CALCRL: variants seen among roughly 807,000 people sequenced by gnomAD.
The protein encoded by CALCRL is calcitonin receptor like receptor, also known as calcitonin gene-related peptide type 1 receptor.
Under a neutral mutation model 60.4 loss-of-function variants are expected in CALCRL, and 27 were observed. The observed-to-expected ratio is 0.45, with a 90% confidence interval of 0.33 to 0.62. CALCRL has a LOEUF of 0.62. Ranked by LOEUF, CALCRL falls within the 20% of genes least tolerant of loss-of-function variation. The pLI, the probability that CALCRL is intolerant of heterozygous loss-of-function variation, is 0.03. For synonymous variants in CALCRL, 190 were observed against 182.6 expected (o/e 1.04, Z -0.33); for missense variants, 424 against 540.7 (o/e 0.78, Z 2.14).
intron 1 of CALCRL, among the ~76,000 whole-genome samples, chr2:187,443,008 A>G (rs1041388773): frequency 6.6e-6 from 1 of 151,926 alleles, no homozygotes; most frequent in Non-Finnish European, 1.5e-5. Flanking sequence ...TGAGTTTCAC[A>G]TGTAAAGAAA....
chr2:187,432,194 C>T (rs1574320663), intron 1 of CALCRL, among the ~76,000 whole-genome samples: 1 of 152,078 alleles, frequency 6.6e-6, no homozygotes. Context: ...AATTCATTCC[C>T]TGTCAAACAA....
chr2:187,428,560 A>G (rs886289791), intron 1 of CALCRL: 3 of 152,230 alleles, frequency 2.0e-5, no homozygotes, highest in Admixed American at 1.3e-4. Context: ...AGATGATAAG[A>G]TGATCATTCA....
At chr2:187,401,319 G>A (rs887029255) in intron 1 of CALCRL, among the ~76,000 whole-genome samples, 7 of 151,610 alleles carry the variant, frequency 4.6e-5, no homozygotes, top group Admixed American at 2.0e-4. Context: ...AAAACACATC[G>A]ACCAAAGAAC....
Position 187,344,183 on chromosome 2 carries a change from G to T in CALCRL, c.*2001C>A, listed in dbSNP as rs1022722634. The T allele has an allele frequency of 1.3e-5, 2 of 151,538 alleles. No homozygotes were observed. Among genetic ancestry groups the T allele is most frequent in the African/African-American group, 2.4e-5 (1 of 41,374 alleles). The allele number at this position is 151,538 out of a possible 1,614,324, so 9.4% of individuals were successfully genotyped here. A position where few individuals can be genotyped will look rare whatever the true frequency, so the allele number is the denominator to read the frequency against. ...TTTTGTATAATTTAGGCAGTTGAAG[G>T]TCTAGAACAGCCTGCGTTCCTTTCT... On this transcript the variant is annotated 3_prime_UTR_variant, in exon 15 of 15. Transcript: ENST00000392370.
At chr2:187,376,488 T>A (rs1270206767) in intron 8 of CALCRL, among the ~76,000 whole-genome samples, 1 of 152,154 alleles carries the variant, frequency 6.6e-6, no homozygotes, top group African/African-American at 2.4e-5. Flanking sequence ...ACTAGGAGAA[T>A]AAGTGGTCTG....
At chr2:187,422,891 T>A (rs1225601052) in intron 1 of CALCRL, among the ~76,000 whole-genome samples, 1 of 152,014 alleles carries the variant, frequency 6.6e-6, no homozygotes, top group Non-Finnish European at 1.5e-5. Context: ...GAGGGGGGTA[T>A]ATTAAAAAGA....
At chr2:187,424,360 A>G (rs76268060) in intron 1 of CALCRL, among the ~76,000 whole-genome samples, 3,608 of 152,144 alleles carry the variant, frequency 0.024, 149 homozygotes, top group African/African-American at 0.083. Flanking sequence ...ACATTTAGCC[A>G]CAGCAGGAAC....
At chr2:187,442,070 T>TTA (rs370387256) in intron 1 of CALCRL, 1,634 of 127,226 alleles carry the variant, frequency 0.013, 15 homozygotes, top group African/African-American at 0.021. Context: ...CTTAAAAACA[T>TTA]TATATATATA....
intron 1 of CALCRL, among the ~76,000 whole-genome samples, chr2:187,406,530 T>G (rs964299042): frequency 4.6e-5 from 7 of 151,902 alleles, no homozygotes; most frequent in Admixed American, 3.9e-4. Flanking sequence ...ATAAAGAAAA[T>G]AAAAGAAAAG....
At chr2:187,366,898 T>C (rs1687318006) in intron 8 of CALCRL, among the ~76,000 whole-genome samples, 1 of 143,820 alleles carries the variant, frequency 7.0e-6, no homozygotes, top group African/African-American at 2.6e-5. Flanking sequence ...CTTCCAAAAA[T>C]GTCATTATTG....
intron 1 of CALCRL, among the ~76,000 whole-genome samples, chr2:187,396,433 T>G (rs980042021): frequency 1.3e-4 from 20 of 151,790 alleles, no homozygotes; most frequent in Admixed American, 1.3e-4. Flanking sequence ...GGAACAGGCT[T>G]AATGCTTATA....
rs535622656 is a variant in CALCRL, at chr2:187,446,255, A to G, written c.-293+1784T>C. Among the ~76,000 whole-genome samples the G allele has an allele frequency of 2.7e-4, 41 of 151,816 alleles. No homozygotes were observed. The South Asian group carries it at 8.5e-3, about 31-fold the overall frequency. ...GCTAAAAGCATGCATTGATATTCTGATATTTTCTTATCATTAAAGAAAGCA... is the reference window on the plus strand; with the variant it reads ...GCTAAAAGCATGCATTGATATTCTGGTATTTTCTTATCATTAAAGAAAGCA... On this transcript the variant is annotated intron_variant, in intron 1 of 14. Coordinates refer to ENST00000392370, the MANE Select transcript of CALCRL (RefSeq NM_005795.6).
intron 8 of CALCRL, among the ~76,000 whole-genome samples, chr2:187,364,546 T>C (rs1178353441): frequency 6.6e-6 from 1 of 152,134 alleles, no homozygotes; most frequent in African/African-American, 2.4e-5. Context: ...AAGGCTTCTA[T>C]TTTGGAAACT....
chr2:187,410,018 C>T (rs1352597890), intron 1 of CALCRL, among the ~76,000 whole-genome samples: 1 of 152,152 alleles, frequency 6.6e-6, no homozygotes, highest in East Asian at 1.9e-4. Context: ...TGTCTTATTA[C>T]ACTGGCAAAC....
intron 1 of CALCRL, among the ~76,000 whole-genome samples, chr2:187,403,199 A>C (rs1688968611): frequency 6.6e-6 from 1 of 152,054 alleles, no homozygotes; most frequent in African/African-American, 2.4e-5. Context: ...TAAAAGAGTT[A>C]TTTTAAAAGG....
intron 1 of CALCRL, 93 bp from the exon 2 acceptor site, chr2:187,387,849 C>G (rs981194624): frequency 8.0e-6 from 3 of 372,846 alleles, no homozygotes; most frequent in Non-Finnish European, 1.4e-5. Context: ...AATACTGCTA[C>G]TAAGATCATA....
intron 1 of CALCRL, among the ~76,000 whole-genome samples, chr2:187,401,347 C>A (rs1392761663): frequency 6.6e-6 from 1 of 151,586 alleles, no homozygotes; most frequent in African/African-American, 2.4e-5. Context: ...GCTAACACAG[C>A]ATATCATGCA....
Position 187,429,756 on chromosome 2 carries a change from C to CTTTG in CALCRL, c.-293+18279_-293+18282dup, listed in dbSNP as rs925187125. On this transcript the variant is annotated intron_variant, in intron 1 of 14. Transcript: ENST00000392370. ...CAGCCATTAACTTCTCACAGAAAAT[C>CTTTG]TTTGCAATGCTCTACAAGTTCTGTG... Among the ~76,000 whole-genome samples the CTTTG allele has an allele frequency of 1.1e-3, 173 of 152,286 alleles. 2 individuals carry two copies. Among genetic ancestry groups the CTTTG allele is most frequent in the African/African-American group, 4.0e-3 (168 of 41,572 alleles).
rs970894665 is a variant in CALCRL at position 187,423,742 on chromosome 2, TA to T, written c.-293+24296del. Among the ~76,000 whole-genome samples, 69 of 152,132 alleles carry T rather than the reference TA, an allele frequency of 4.5e-4. 1 individual carries two copies. The highest frequency in any genetic ancestry group is 1.6e-3 in the African/African-American group (65 of 41,556). On this transcript the variant is annotated intron_variant, in intron 1 of 14. Coordinates refer to ENST00000392370, the MANE Select transcript of CALCRL (RefSeq NM_005795.6). ...GAAAAAACTTAGGATAAATAGAGAATAATGAACTTTTTCAGAAATAAATAAC... is the reference window on the plus strand; with the variant it reads ...GAAAAAACTTAGGATAAATAGAGAATATGAACTTTTTCAGAAATAAATAAC...
Sources: gnomAD v4.1 joint callset for allele counts (sites outside exome capture counted in the v4.1 genomes callset) on GRCh38, gnomAD v4.1.1 for gene constraint, MANE v1.5 for transcripts, NCBI Gene and HGNC (gene_info 2026-07-23, HGNC 2026-07-21) for gene names.